The following RBFOX1 variants were observed in gnomAD, a reference collection of about 807,000 sequenced individuals.
RBFOX1 encodes the protein RNA binding protein fox-1 homolog 1.
A neutral mutation model predicts 57.7 loss-of-function variants in RBFOX1; 8 were observed. That is an observed-to-expected ratio of 0.14 (90% confidence interval 0.08 to 0.25). RBFOX1 has a LOEUF of 0.25. RBFOX1 is among the 10% of genes least tolerant of loss of function. The probability of loss-of-function intolerance (pLI) is 1.00; values close to 1 mark genes in which losing one functional copy is unlikely to be tolerated. For missense variants in RBFOX1, 611 were observed against 548.5 expected, an observed-to-expected ratio of 1.11 and a Z score of -1.14; for synonymous variants, 326 against 222.4, an observed-to-expected ratio of 1.47 and a Z score of -4.15.
At chr16:7,501,024 C>T (rs1044760566) in intron 4 of RBFOX1, among the ~76,000 whole-genome samples, 2 of 152,216 alleles carry the variant, frequency 1.3e-5, no homozygotes, top group African/African-American at 4.8e-5. Context: ...CTTCCCCTTC[C>T]ACCATGATTG....
chr16:6,228,763 A>G (rs900800615), intron 1 of RBFOX1, among the ~76,000 whole-genome samples: 1 of 152,200 alleles, frequency 6.6e-6, no homozygotes, highest in African/African-American at 2.4e-5. Flanking sequence ...GTTAGTACCA[A>G]TGTATGGTGC....
chr16:7,560,242 C>A (rs1193423565), intron 5 of RBFOX1, among the ~76,000 whole-genome samples: 1 of 152,180 alleles, frequency 6.6e-6, no homozygotes, highest in African/African-American at 2.4e-5. Flanking sequence ...TCAAGAACCC[C>A]CTATGGGGGG....
At chr16:6,531,419 C>G (rs142201926) in intron 2 of RBFOX1, among the ~76,000 whole-genome samples, 26 of 152,262 alleles carry the variant, frequency 1.7e-4, no homozygotes, top group African/African-American at 4.1e-4. Flanking sequence ...ACATCTTACT[C>G]GTTGCTAGAT....
At chr16:5,369,403 C>A (rs2065804553) in intron 1 of RBFOX1, among the ~76,000 whole-genome samples, 1 of 152,254 alleles carries the variant, frequency 6.6e-6, no homozygotes, top group Admixed American at 6.5e-5. Flanking sequence ...CAGGGACCAG[C>A]ACTGACAGAC....
rs145985121 is a variant in RBFOX1 at position 5,670,852 on chromosome 16, A to G, written c.318+71891A>G. Among the ~76,000 whole-genome samples, 788 of 152,236 alleles carry G rather than the reference A, an allele frequency of 5.2e-3. 7 individuals are homozygous for G. Among genetic ancestry groups the G allele is most frequent in the Non-Finnish European group, 9.4e-3 (640 of 68,016 alleles). On this transcript the variant is annotated intron_variant, in intron 3 of 19. Coordinates refer to the RBFOX1 transcript ENST00000641259. ...TCCTAGCATCTCTGTTCAATACATT[A>G]TTTTTTTCATTGCATTGTCTCACTC...
intron 2 of RBFOX1, among the ~76,000 whole-genome samples, chr16:6,590,679 A>C (rs949184424): frequency 6.6e-6 from 1 of 152,218 alleles, no homozygotes; most frequent in Non-Finnish European, 1.5e-5. Context: ...ATTTACATGC[A>C]TACTACGAAT....
At chr16:7,538,814 T>C (rs891559600) in intron 5 of RBFOX1, among the ~76,000 whole-genome samples, 12 of 152,064 alleles carry the variant, frequency 7.9e-5, no homozygotes, top group Non-Finnish European at 1.6e-4. Flanking sequence ...GTCTGGAACT[T>C]GGTGATTGTC....
At chr16:5,949,525 CAAAA>C (rs59221283) in intron 4 of RBFOX1, among the ~76,000 whole-genome samples, 5 of 32,300 alleles carry the variant, frequency 1.5e-4, no homozygotes, top group African/African-American at 3.8e-4. Flanking sequence ...GAGTCCATCT[CAAAA>C]AAAAAAAAAA....
At chr16:5,304,034 T>G (rs929282831) in intron 1 of RBFOX1, among the ~76,000 whole-genome samples, 10 of 152,232 alleles carry the variant, frequency 6.6e-5, no homozygotes, top group Admixed American at 1.3e-4. Context: ...ATAACTTAAT[T>G]TTTCATTTCC....
chr16:7,444,169 A>G (rs568282107), intron 4 of RBFOX1, among the ~76,000 whole-genome samples: 2 of 152,322 alleles, frequency 1.3e-5, no homozygotes, highest in East Asian at 1.9e-4. Flanking sequence ...AGTTCAGATT[A>G]TAGTTATGCA....
At chr16:6,123,294 A>C (rs2096565472) in intron 1 of RBFOX1, among the ~76,000 whole-genome samples, 1 of 152,260 alleles carries the variant, frequency 6.6e-6, no homozygotes, top group Admixed American at 6.5e-5. Flanking sequence ...GATGTGGTAC[A>C]TATATACAGT....
At chr16:7,199,864 C>T (rs1281295954) in intron 4 of RBFOX1, among the ~76,000 whole-genome samples, 3 of 152,220 alleles carry the variant, frequency 2.0e-5, no homozygotes, top group Non-Finnish European at 2.9e-5. Context: ...AACTATACTC[C>T]AGCCTGGGCA....
chr16:7,288,274 T>A (rs1358584735), intron 4 of RBFOX1, among the ~76,000 whole-genome samples: 3 of 152,218 alleles, frequency 2.0e-5, no homozygotes, highest in African/African-American at 7.2e-5. Context: ...TGTTCAACTT[T>A]CAGACATTCT....
At chr16:7,512,624 T>A (rs909197046) in intron 4 of RBFOX1, among the ~76,000 whole-genome samples, 2 of 152,186 alleles carry the variant, frequency 1.3e-5, no homozygotes, top group African/African-American at 2.4e-5. Flanking sequence ...TTGGCTACCA[T>A]GGACTCAGTC....
chr16:7,505,400 C>T (rs2072939188), intron 4 of RBFOX1, among the ~76,000 whole-genome samples: 1 of 152,184 alleles, frequency 6.6e-6, no homozygotes, highest in Admixed American at 6.5e-5. Context: ...AAGTGAGAAA[C>T]TCCATCTTCC....
chr16:6,418,157 C>G (rs1024306965), intron 2 of RBFOX1, among the ~76,000 whole-genome samples: 8 of 152,184 alleles, frequency 5.3e-5, no homozygotes, highest in African/African-American at 1.7e-4. Context: ...TGCCATTTAA[C>G]CTCATGAGGG....
intron 3 of RBFOX1, among the ~76,000 whole-genome samples, chr16:6,727,804 A>G (rs2154170795): frequency 1.3e-5 from 2 of 152,190 alleles, no homozygotes; most frequent in South Asian, 4.1e-4. Flanking sequence ...GAGGTCTTTA[A>G]TGTTTTCCAG....
chr16:5,580,063 G>A (rs749883170), intron 2 of RBFOX1, among the ~76,000 whole-genome samples: 14 of 152,130 alleles, frequency 9.2e-5, no homozygotes, highest in South Asian at 4.1e-4. Flanking sequence ...GAGCCACTGC[G>A]CCCAGCTGGC....
At chr16:5,649,921 G>A (rs1266780664) in intron 3 of RBFOX1, among the ~76,000 whole-genome samples, 2 of 152,140 alleles carry the variant, frequency 1.3e-5, no homozygotes, top group Non-Finnish European at 2.9e-5. Flanking sequence ...ATCAGAGGAG[G>A]TAGCACTCGA....
Sources: allele counts gnomAD v4.1 joint callset (sites outside exome capture counted in the v4.1 genomes callset), GRCh38; gene constraint gnomAD v4.1.1; transcripts MANE v1.5; gene names NCBI Gene and HGNC (gene_info 2026-07-23, HGNC 2026-07-21).